Variants in TRERF1 observed in about 807,000 individuals in gnomAD.
TRERF1 encodes the protein transcriptional-regulating factor 1.
In TRERF1, 27 loss-of-function variants were observed where a neutral mutation model predicts 122.9. That is an observed-to-expected ratio of 0.22 (90% CI 0.16 to 0.30). The LOEUF (loss-of-function observed/expected upper bound fraction) is 0.30. Among genes scored for constraint, TRERF1 ranks in the 10% least tolerant of loss-of-function variants. The pLI is 1.00. For synonymous variants in TRERF1, 636 were observed against 641.7 expected, an observed-to-expected ratio of 0.99 and a Z score of 0.13; for missense variants, 1,248 against 1,560.3, an observed-to-expected ratio of 0.80 and a Z score of 3.37.
At chr6:42,391,937 A>C (rs961427349) in intron 2 of TRERF1, among the ~76,000 whole-genome samples, 1 of 152,206 alleles carries the variant, frequency 6.6e-6, no homozygotes, top group African/African-American at 2.4e-5. Context: ...GTGCTTGGCC[A>C]GGGTCAGGCT....
chr6:42,249,922 G>A (rs962615666), intron 13 of TRERF1, among the ~76,000 whole-genome samples: 3 of 152,216 alleles, frequency 2.0e-5, no homozygotes, highest in African/African-American at 4.8e-5. Context: ...CCGAGGCTGA[G>A]AGTCCATCCC....
intron 3 of TRERF1, among the ~76,000 whole-genome samples, chr6:42,316,918 A>G (rs570518023): frequency 6.6e-6 from 1 of 152,164 alleles, no homozygotes. Flanking sequence ...AATTGCTCCT[A>G]TAGATAACAT....
At chr6:42,229,936 G>A (rs1770172572) in intron 17 of TRERF1, among the ~76,000 whole-genome samples, 2 of 152,152 alleles carry the variant, frequency 1.3e-5, no homozygotes, top group Admixed American at 1.3e-4. Flanking sequence ...TGCTGCAATG[G>A]CACAGCTGAG....
intron 2 of TRERF1, among the ~76,000 whole-genome samples, chr6:42,374,151 AAG>A (rs1475082002): frequency 5.9e-4 from 53 of 90,334 alleles, no homozygotes; most frequent in African/African-American, 1.7e-3. Context: ...AAAAAAAAAA[AAG>A]AAGAAGAAGA....
At chr6:42,417,257 C>G (rs562677974) in intron 2 of TRERF1, among the ~76,000 whole-genome samples, 180 of 152,242 alleles carry the variant, frequency 1.2e-3, no homozygotes, top group Middle Eastern at 3.4e-3. Flanking sequence ...GGCCCATTCC[C>G]CTCTCAGTGG....
chr6:42,245,200 C>T (rs1774545532), intron 14 of TRERF1, among the ~76,000 whole-genome samples: 1 of 152,236 alleles, frequency 6.6e-6, no homozygotes, highest in Non-Finnish European at 1.5e-5. Flanking sequence ...CCAGGCCAGT[C>T]CTGGAGGGGA....
chr6:42,300,839 C>G (rs1309145262), intron 3 of TRERF1, 90 bp from the exon 4 acceptor site: 1 of 152,542 alleles, frequency 6.6e-6, no homozygotes, highest in Admixed American at 6.5e-5. Flanking sequence ...ACCAGAAATC[C>G]CAGGGAAATT....
chr6:42,338,674 G>A (rs761269400), intron 3 of TRERF1, among the ~76,000 whole-genome samples: 1 of 152,062 alleles, frequency 6.6e-6, no homozygotes, highest in African/African-American at 2.4e-5. Context: ...GAGTCCTTCA[G>A]GATTTATGAC....
rs113733458 is a variant in TRERF1, at chr6:42,301,210, GTTGTT to G, written c.-370-466_-370-462del. ...TCAAGTTATTTGTCATGAAGAACCAGTTGTTTTGTTTTGTTTTGTTTTGTTTTGTT... is the reference window on the plus strand; with the variant it reads ...TCAAGTTATTTGTCATGAAGAACCAGTTGTTTTGTTTTGTTTTGTTTTGTT... On this transcript the variant is annotated intron_variant, in intron 3 of 17. Coordinates refer to ENST00000372922, the Ensembl canonical transcript of TRERF1. Among the ~76,000 whole-genome samples the G allele has an allele frequency of 7.4e-3, 1,121 of 151,898 alleles. 10 individuals are homozygous for G. The highest frequency in any genetic ancestry group is 0.025 in the African/African-American group (1,018 of 41,352).
At chr6:42,332,528 G>C (rs111937537) in intron 3 of TRERF1, among the ~76,000 whole-genome samples, 4,829 of 152,294 alleles carry the variant, frequency 0.032, 261 homozygotes, top group African/African-American at 0.11. Flanking sequence ...TGGGGCTGGA[G>C]AGCAGCTTCC....
chr6:42,273,671 T>G (rs1780645345), intron 4 of TRERF1, among the ~76,000 whole-genome samples: 1 of 152,178 alleles, frequency 6.6e-6, no homozygotes, highest in Non-Finnish European at 1.5e-5. Flanking sequence ...AGGCTACATT[T>G]GTAAGAAAAG....
chr6:42,406,536 G>C (rs1338236888), intron 2 of TRERF1, among the ~76,000 whole-genome samples: 1 of 152,106 alleles, frequency 6.6e-6, no homozygotes, highest in Admixed American at 6.5e-5. Context: ...GTTGCAATCG[G>C]GCTCCAATGA....
At position 42,268,621 on chromosome 6, in the gene TRERF1, G is replaced by T. The variant is rs1052829056; in HGVS notation, c.970C>A (p.Pro324Thr). 6 of 1,613,892 alleles carry T rather than the reference G, an allele frequency of 3.7e-6. No individual in the cohort carries two copies. The highest frequency in any genetic ancestry group is 1.7e-5 in the Admixed American group (1 of 60,000). ...ATGGGTTGGGGCTGATAATACTGAG[G>T]TATCTGCATTGAACCCTGCCGCTGC... The change falls in exon 5 of 18, where the codon CCT becomes ACT. Residue 324 changes from proline to threonine, a missense_variant. Physicochemically the swap from Pro to Thr is conservative, Grantham distance 38. Transcript: ENST00000372922. The surrounding 1 kb of genome is among the most constrained non-coding windows in gnomAD (Gnocchi z 4.4).
chr6:42,289,939 G>C (rs1784012689), intron 4 of TRERF1, among the ~76,000 whole-genome samples: 1 of 152,204 alleles, frequency 6.6e-6, no homozygotes, highest in Non-Finnish European at 1.5e-5. Context: ...GGAGGAGTCA[G>C]ATGTGACCTA....
intron 3 of TRERF1, among the ~76,000 whole-genome samples, chr6:42,335,937 C>T (rs907907268): frequency 6.6e-6 from 1 of 152,204 alleles, no homozygotes; most frequent in Non-Finnish European, 1.5e-5. Flanking sequence ...CAGAACTTTC[C>T]ACAACGATGG....
intron 15 of TRERF1, 105 bp downstream of exon 15, chr6:42,243,143 T>C (rs1774056006): frequency 2.2e-6 from 2 of 911,938 alleles, no homozygotes; most frequent in East Asian, 2.4e-5. Context: ...CTCCTTCCTC[T>C]GGCTATCTTG....
chr6:42,293,774 A>G lies in TRERF1; in HGVS notation c.-259+6864T>C, dbSNP rs1200042714. On this transcript the variant is annotated intron_variant, in intron 4 of 17. Coordinates refer to ENST00000372922, the Ensembl canonical transcript of TRERF1. ...CACCCTGTTGCTGTGTATTCAGGAA[A>G]TGCAAACCCAATATAAAGATAACCC... 4.1e-5 allele frequency among the ~76,000 whole-genome samples: 5 copies of G among 123,340 alleles called. No homozygotes were observed. The South Asian group carries it at 1.2e-3, about 29-fold the overall frequency. 80.9% of individuals were successfully genotyped at this position (123,340 alleles called of 152,430 possible).
At chr6:42,285,955 A>G (rs1783142137) in intron 4 of TRERF1, among the ~76,000 whole-genome samples, 1 of 151,354 alleles carries the variant, frequency 6.6e-6, no homozygotes, top group African/African-American at 2.4e-5. Flanking sequence ...ATATAGATCA[A>G]TGGAACAGAA....
chr6:42,298,146 T>G (rs1582888542), intron 4 of TRERF1, among the ~76,000 whole-genome samples: 1 of 151,628 alleles, frequency 6.6e-6, no homozygotes. Flanking sequence ...TGTTTTTTTT[T>G]GTTTTTGTTT....
Sources: allele counts gnomAD v4.1 joint callset (sites outside exome capture counted in the v4.1 genomes callset), GRCh38; gene constraint gnomAD v4.1.1; non-coding constraint Gnocchi (gnomAD v3.1); transcripts MANE v1.5; gene names NCBI Gene and HGNC (gene_info 2026-07-23, HGNC 2026-07-21).